The following TBC1D4 variants were observed in gnomAD, a reference collection of about 807,000 sequenced individuals.
The protein encoded by TBC1D4 is TBC1 domain family member 4, also known as TBC (Tre-2, BUB2, CDC16) domain-containing protein.
In TBC1D4, 121 loss-of-function variants were observed where a neutral mutation model predicts 142.5. The observed-to-expected ratio is 0.85, with a 90% confidence interval of 0.73 to 0.99. The LOEUF is 0.99. TBC1D4 is among the 50% of genes least tolerant of loss of function. The pLI, the probability that TBC1D4 is intolerant of heterozygous loss-of-function variation, is 0.00. For synonymous variants in TBC1D4, 630 were observed against 628.2 expected (o/e 1.00, Z -0.04); for missense variants, 1,475 against 1,606.6 (o/e 0.92, Z 1.40).
chr13:75,481,886 G>T lies in TBC1D4; in HGVS notation c.-119C>A. 1 of 1,344,810 alleles carries T rather than the reference G, an allele frequency of 7.4e-7. No individual in the cohort carries two copies. Among genetic ancestry groups the T allele is most frequent in the Non-Finnish European group, 9.5e-7 (1 of 1,047,994 alleles). The allele number at this position is 1,344,810 out of a possible 1,614,324, so 83.3% of individuals were successfully genotyped here. On this transcript the variant is annotated 5_prime_UTR_variant, in exon 1 of 21. Coordinates refer to ENST00000377636, the MANE Select transcript of TBC1D4 (RefSeq NM_014832.5). ...CCGCACCGGGCTCCCGCGCCTGCCT[G>T]GGAGCGGCGCGACCCCGAACTCCGC...
At chr13:75,427,258 T>C (rs1426443964) in intron 1 of TBC1D4, among the ~76,000 whole-genome samples, 4 of 152,168 alleles carry the variant, frequency 2.6e-5, no homozygotes, top group Non-Finnish European at 4.4e-5. Flanking sequence ...TGACTAATTT[T>C]TTGTATTTTT....
chr13:75,476,557 T>C (rs34823348), intron 1 of TBC1D4, among the ~76,000 whole-genome samples: 3,746 of 152,322 alleles, frequency 0.025, 65 homozygotes, highest in Non-Finnish European at 0.038. Flanking sequence ...CATGGTCTTA[T>C]GATGTCTGGC....
chr13:75,409,304 T>C (rs1361801289), intron 1 of TBC1D4, among the ~76,000 whole-genome samples: 1 of 152,202 alleles, frequency 6.6e-6, no homozygotes, highest in Non-Finnish European at 1.5e-5. Flanking sequence ...TTTAAAATAT[T>C]TTCTACAACA....
intron 19 of TBC1D4, among the ~76,000 whole-genome samples, chr13:75,290,750 G>A (rs1461686679): frequency 6.6e-6 from 1 of 151,956 alleles, no homozygotes; most frequent in East Asian, 1.9e-4. Flanking sequence ...TTAACATATT[G>A]GTTATATTTG....
At chr13:75,399,953 G>A (rs904885139) in intron 1 of TBC1D4, among the ~76,000 whole-genome samples, 25 of 152,210 alleles carry the variant, frequency 1.6e-4, no homozygotes, top group African/African-American at 6.0e-4. Flanking sequence ...GAGACCAAAA[G>A]GAGAGCCATT....
Position 75,306,378 on chromosome 13 carries a change from T to G in TBC1D4, c.2687A>C (p.Lys896Thr), listed in dbSNP as rs765695310. The G allele has an allele frequency of 6.2e-7, 1 of 1,613,430 alleles. No homozygotes were observed. Among genetic ancestry groups the G allele is most frequent in the African/African-American group, 1.3e-5 (1 of 75,030 alleles). ...QKEVLITWDK[K>T]LLNCRAKIRC... ...GATTTTAGCTCTGCAGTTTAACAAC[T>G]TCTTATCCCAAGTTATTAAGACCTC... The change falls in exon 15 of 21, where the codon AAG (lysine) becomes ACG (threonine). Residue 896 changes from lysine to threonine, a missense_variant. Around this residue, in one of 2 missense-constraint regions of TBC1D4, gnomAD observed 1,227 missense variants for 1,267.7 expected, o/e 0.97. Coordinates refer to ENST00000377636, the MANE Select transcript of TBC1D4 (RefSeq NM_014832.5).
Position 75,337,712 on chromosome 13 carries a change from T to C in TBC1D4, c.1612-672A>G, listed in dbSNP as rs1248568957. On this transcript the variant is annotated intron_variant, in intron 7 of 20. Transcript: ENST00000377636. ...AATAGCAACACAAAGCACGTGTAAG[T>C]ATCAAATACCAAAGCAGGAAGATTG... Among the ~76,000 whole-genome samples, 3 of 152,086 alleles carry C rather than the reference T, an allele frequency of 2.0e-5. No homozygotes were observed. In the East Asian group the frequency reaches 5.8e-4, roughly 29 times the overall value.
In TBC1D4 at chr13:75,362,362, T is replaced by C; in HGVS notation, c.744A>G (p.Pro248=). 2.5e-6 allele frequency: 4 copies of C among 1,614,208 alleles called. No individual in the cohort carries two copies. Among genetic ancestry groups the C allele is most frequent in the Non-Finnish European group, 3.4e-6 (4 of 1,180,030 alleles). The change falls in exon 2 of 21, where the codon CCA becomes CCG. Residue 248 remains proline, a synonymous_variant. Transcript: ENST00000377636. The surrounding 1 kb of genome is among the most constrained non-coding windows in gnomAD (Gnocchi z 4.2). ...CCTCCAAGTCAGCCAGGTCCTCTCC[T>C]GGGTCCGGACCGCGCTGCTCCCCTT... ...KIQGEQRGPD[P]GEDLADLEVV... is the part of the protein sequence containing the mutation.
chr13:75,451,273 A>G (rs1006128017), intron 1 of TBC1D4, among the ~76,000 whole-genome samples: 2 of 152,154 alleles, frequency 1.3e-5, no homozygotes, highest in African/African-American at 4.8e-5. Flanking sequence ...GTGTCTGCAC[A>G]TAAAAGGTGC....
chr13:75,471,913 C>T (rs1366873115), intron 1 of TBC1D4, among the ~76,000 whole-genome samples: 4 of 151,608 alleles, frequency 2.6e-5, no homozygotes, highest in African/African-American at 9.7e-5. Flanking sequence ...GCGAGACCAG[C>T]CTGGTCAACG....
At chr13:75,384,580 T>TAAA (rs35473850) in intron 1 of TBC1D4, among the ~76,000 whole-genome samples, 1 of 139,798 alleles carries the variant, frequency 7.2e-6, no homozygotes. Context: ...AAAGTTTCTT[T>TAAA]AAAAAAAAAA....
chr13:75,363,589 C>G (rs28880927), intron 1 of TBC1D4, among the ~76,000 whole-genome samples: 5 of 151,250 alleles, frequency 3.3e-5, no homozygotes, highest in Admixed American at 2.6e-4. Context: ...CCTTTCCAGA[C>G]GGATCCAAGG....
chr13:75,410,825 A>C (rs897086446), intron 1 of TBC1D4, among the ~76,000 whole-genome samples: 41 of 149,032 alleles, frequency 2.8e-4, no homozygotes, highest in Admixed American at 2.5e-3. Context: ...AGTCCCAGCT[A>C]CTCGGGAGGC....
chr13:75,374,611 C>T (rs1334762821), intron 1 of TBC1D4, among the ~76,000 whole-genome samples: 1 of 152,116 alleles, frequency 6.6e-6, no homozygotes, highest in African/African-American at 2.4e-5. Flanking sequence ...GAAATCTGTT[C>T]AGTGGTTCCT....
Position 75,481,257 on chromosome 13 carries a change from G to A in TBC1D4, c.498+13C>T, listed in dbSNP as rs1888854581. On this transcript the variant is annotated intron_variant, in intron 1 of 20. Transcript: ENST00000377636. ...GCCGAGCCCGCCCCCGCGCCTCCGA[G>A]CCCCTGTCTTGCCTGGCTGGGGTCT... is the stretch of plus-strand genomic sequence containing the variant. 1.3e-6 allele frequency: 2 copies of A among 1,551,332 alleles called. No individual in the cohort carries two copies. The highest frequency in any genetic ancestry group is 1.4e-5 in the African/African-American group (1 of 72,864).
At chr13:75,435,217 G>T (rs1886748857) in intron 1 of TBC1D4, among the ~76,000 whole-genome samples, 1 of 151,598 alleles carries the variant, frequency 6.6e-6, no homozygotes, top group African/African-American at 2.4e-5. Flanking sequence ...ACTATCAACA[G>T]TAAACAGACA....
intron 1 of TBC1D4, among the ~76,000 whole-genome samples, chr13:75,383,293 A>G (rs1235297303): frequency 2.0e-5 from 3 of 152,228 alleles, no homozygotes; most frequent in Non-Finnish European, 4.4e-5. Context: ...ACTACACTCC[A>G]GTCTGGGCAA....
chr13:75,342,071 G>T (rs1211126793), intron 5 of TBC1D4, among the ~76,000 whole-genome samples: 2 of 151,716 alleles, frequency 1.3e-5, no homozygotes, highest in African/African-American at 4.8e-5. Flanking sequence ...GGTGGCGGGG[G>T]CCTGTAATCC....
At chr13:75,287,335 G>A (rs370128926) in intron 20 of TBC1D4, among the ~76,000 whole-genome samples, 7 of 152,268 alleles carry the variant, frequency 4.6e-5, no homozygotes, top group African/African-American at 1.7e-4. Flanking sequence ...CCTGGCTGAA[G>A]GAGAAACAGG....
Sources: gnomAD v4.1 joint callset for allele counts (sites outside exome capture counted in the v4.1 genomes callset) on GRCh38, gnomAD v4.1.1 for gene constraint, gnomAD v4.1.1 regional missense constraint, Gnocchi (gnomAD v3.1) non-coding constraint, MANE v1.5 for transcripts, NCBI Gene and HGNC (gene_info 2026-07-23, HGNC 2026-07-21) for gene names.